The following KDM2B variants were observed in gnomAD, a reference collection of about 807,000 sequenced individuals.
The protein encoded by KDM2B is lysine demethylase 2B, also known as lysine-specific demethylase 2B.
KDM2B carries 26 observed loss-of-function variants against 150.0 expected under a neutral mutation model. The ratio of observed to expected loss-of-function variants is 0.17; its 90% CI spans 0.13 to 0.24. The LOEUF (loss-of-function observed/expected upper bound fraction) is 0.24, where lower values mean the gene tolerates loss of function less well. Among genes scored for constraint, KDM2B ranks in the 10% least tolerant of loss-of-function variants. The pLI is 1.00. For synonymous variants in KDM2B, 734 were observed against 729.5 expected (o/e 1.01, Z -0.10); for missense variants, 1,265 against 1,816.9 (o/e 0.70, Z 5.52).
the KDM2B span, among the ~76,000 whole-genome samples, chr12:121,421,974 T>C: frequency 6.6e-6 from 1 of 152,224 alleles, no homozygotes; most frequent in Non-Finnish European, 1.5e-5. Flanking sequence ...TCAAAGATGA[T>C]GTCACAGTGG....
intron 1 of KDM2B, chr12:121,580,315 G>A: frequency 9.0e-7 from 1 of 1,115,600 alleles, no homozygotes. Flanking sequence ...GATCGCGCTC[G>A]GAGCCCGCGG....
chr12:121,572,797 G>GAC (rs1209256971), intron 4 of KDM2B, among the ~76,000 whole-genome samples: 1 of 150,632 alleles, frequency 6.6e-6, no homozygotes, highest in African/African-American at 2.4e-5. Flanking sequence ...TACAACTACA[G>GAC]ACACACACCA....
At chr12:121,541,433 AGGAG>A (rs1176429637) in intron 6 of KDM2B, among the ~76,000 whole-genome samples, 18 of 125,500 alleles carry the variant, frequency 1.4e-4, no homozygotes, top group Non-Finnish European at 2.5e-4. Flanking sequence ...GACGGAGGGA[AGGAG>A]GGAGGGAGGG....
chr12:121,506,011 TG>T (rs1212904986), intron 11 of KDM2B, among the ~76,000 whole-genome samples: 3 of 150,546 alleles, frequency 2.0e-5, no homozygotes, highest in African/African-American at 7.5e-5. Context: ...TTTTTTTGTT[TG>T]CTTTTTTATT....
chr12:121,575,359 C>T lies in KDM2B; in HGVS notation c.350+422G>A, dbSNP rs1374790917. Among the ~76,000 whole-genome samples the T allele has an allele frequency of 1.3e-5, 2 of 152,186 alleles. No homozygotes were observed. Among genetic ancestry groups the T allele is most frequent in the Non-Finnish European group, 2.9e-5 (2 of 68,034 alleles). On this transcript the variant is annotated intron_variant, in intron 3 of 22. Coordinates refer to ENST00000377071, the MANE Select transcript of KDM2B (RefSeq NM_032590.5). The surrounding 1 kb of genome is among the most constrained non-coding windows in gnomAD (Gnocchi z 4.4). ...CAGGCAAAGAAAGGGGAGACATTGG[C>T]ACCCCAGGAATCTGCATAAGAAACA...
At chr12:121,559,683 C>T (rs920035854) in intron 4 of KDM2B, among the ~76,000 whole-genome samples, 3 of 151,788 alleles carry the variant, frequency 2.0e-5, no homozygotes, top group Non-Finnish European at 4.4e-5. Flanking sequence ...GGAGGATCAC[C>T]TGAGGTCGGG....
the KDM2B span, chr12:121,420,770 A>C: frequency 6.2e-7 from 1 of 1,610,064 alleles, no homozygotes; most frequent in South Asian, 1.1e-5. Flanking sequence ...GAAGAAAACC[A>C]AAAGTCCTGT....
At chr12:121,441,715 T>C (rs1875097661) in intron 19 of KDM2B, among the ~76,000 whole-genome samples, 1 of 152,200 alleles carries the variant, frequency 6.6e-6, no homozygotes, top group Non-Finnish European at 1.5e-5. Context: ...CATGAGCCAC[T>C]GCGCCCGGCC....
rs1249921324 is a variant in KDM2B, at chr12:121,467,190, C to T, written c.1735-13846G>A. ...GGCTCCGATTCATAGTCGTCGTCCTCGGCGCTCACGGACATGGCCATGGCT... is the reference window on the plus strand; with the variant it reads ...GGCTCCGATTCATAGTCGTCGTCCTTGGCGCTCACGGACATGGCCATGGCT... On this transcript the variant is annotated intron_variant, in intron 12 of 22. Coordinates refer to ENST00000377071, the MANE Select transcript of KDM2B (RefSeq NM_032590.5). This position sits in a 1 kb window ranked among gnomAD's most constrained non-coding sequence, Gnocchi z 5.1. 9 of 1,114,846 alleles carry T rather than the reference C, an allele frequency of 8.1e-6. No homozygotes were observed. The highest frequency in any genetic ancestry group is 3.8e-5 in the Admixed American group (1 of 26,236). 69.1% of individuals were successfully genotyped at this position (1,114,846 alleles called of 1,614,324 possible).
At chr12:121,426,263 T>A (rs1872506391), downstream of KDM2B, among the ~76,000 whole-genome samples, 2 of 152,204 alleles carry the variant, frequency 1.3e-5, no homozygotes, top group African/African-American at 4.8e-5. Context: ...ACAAAATGCT[T>A]GGTGGATTTT....
In KDM2B at chr12:121,534,556, C is replaced by T; in HGVS notation, c.718G>A (p.Asp240Asn). 6.2e-7 allele frequency: 1 copy of T among 1,614,004 alleles called. No individual in the cohort carries two copies. Among genetic ancestry groups the T allele is most frequent in the Non-Finnish European group, 8.5e-7 (1 of 1,179,954 alleles). The change falls in exon 7 of 23, where the codon GAC becomes AAC. Residue 240 changes from aspartate (D) to asparagine (N), a missense_variant. Physicochemically the swap from Asp to Asn is conservative, Grantham distance 23 (BLOSUM62 1). Around this residue, in one of 11 missense-constraint regions of KDM2B, gnomAD observed 214 missense variants for 447.4 expected, o/e 0.48. Transcript: ENST00000377071. ...CLMSVKGCFT[D>N]FHIDFGGTSV... ...GTGCCTCCAAAGTCGATGTGGAAGT[C>T]GGTGAAACAACCTTTCACGCTCATC... is the stretch of plus-strand genomic sequence containing the variant.
chr12:121,486,689 G>A (rs1882803732), intron 12 of KDM2B, among the ~76,000 whole-genome samples: 1 of 152,072 alleles, frequency 6.6e-6, no homozygotes, highest in Non-Finnish European at 1.5e-5. Context: ...GGGAGGCTGA[G>A]GCAGGAGAAT....
At chr12:121,505,334 A>T (rs1174435104) in intron 11 of KDM2B, among the ~76,000 whole-genome samples, 3 of 151,802 alleles carry the variant, frequency 2.0e-5, no homozygotes, top group African/African-American at 7.3e-5. Flanking sequence ...ACTGACTTGG[A>T]CACCTTAACA....
At chr12:121,508,903 G>A (rs1555303368) in intron 11 of KDM2B, among the ~76,000 whole-genome samples, 1 of 152,202 alleles carries the variant, frequency 6.6e-6, no homozygotes, top group African/African-American at 2.4e-5. Context: ...CCAGGACAGC[G>A]AGGCTTCCTG....
At chr12:121,424,398 G>GCAC (rs1555283979), downstream of KDM2B, 2 of 152,400 alleles carry the variant, frequency 1.3e-5, no homozygotes, top group Non-Finnish European at 2.9e-5. Context: ...ACCTGGCCTA[G>GCAC]CACCCCTCTT....
At position 121,534,107 on chromosome 12, in the gene KDM2B, T is replaced by TG. The variant is rs554984377; in HGVS notation, c.777+389dup. ...GCTCACGCCTCTAATCCCAGCACTT[T>TG]GGGAGGCCAAGGCGGGCGGATCACG... is the stretch of plus-strand genomic sequence containing the variant. On this transcript the variant is annotated intron_variant, in intron 7 of 22. Coordinates refer to ENST00000377071, the MANE Select transcript of KDM2B (RefSeq NM_032590.5). Among the ~76,000 whole-genome samples, 185 of 152,178 alleles carry TG rather than the reference T, an allele frequency of 1.2e-3. 5 individuals are homozygous for TG. The East Asian group carries it at 0.031, about 25-fold the overall frequency.
chr12:121,433,842 G>C (rs983316860), intron 22 of KDM2B, among the ~76,000 whole-genome samples: 19 of 152,174 alleles, frequency 1.2e-4, no homozygotes, highest in African/African-American at 4.1e-4. Flanking sequence ...CCAGGAGTAT[G>C]ATTCCAGCCT....
chr12:121,446,196 C>A (rs569313409), intron 13 of KDM2B, among the ~76,000 whole-genome samples: 2 of 152,086 alleles, frequency 1.3e-5, no homozygotes, highest in South Asian at 4.1e-4. Context: ...GAGATCGAGA[C>A]CATCCCGGCT....
At chr12:121,426,610 A>G (rs1015965416), downstream of KDM2B, among the ~76,000 whole-genome samples, 1 of 144,322 alleles carries the variant, frequency 6.9e-6, no homozygotes, top group Admixed American at 7.2e-5. Context: ...TGCCTGGATA[A>G]TTTTAAACAA....
Sources: gnomAD v4.1 joint callset for allele counts (sites outside exome capture counted in the v4.1 genomes callset) on GRCh38, gnomAD v4.1.1 for gene constraint, gnomAD v4.1.1 regional missense constraint, Gnocchi (gnomAD v3.1) non-coding constraint, MANE v1.5 for transcripts, NCBI Gene and HGNC (gene_info 2026-07-23, HGNC 2026-07-21) for gene names.